Variants in SLC66A2 observed in about 807,000 individuals in gnomAD.
The protein encoded by SLC66A2 is PQ loop repeat containing 1.
In SLC66A2, 23 loss-of-function variants were observed where a neutral mutation model predicts 25.5. That is an observed-to-expected ratio of 0.90 (90% confidence interval 0.65 to 1.28). SLC66A2 has a LOEUF of 1.28. Among genes scored for constraint, SLC66A2 ranks in the 50% most tolerant of loss-of-function variants. The probability of loss-of-function intolerance (pLI) is 0.00; values close to 1 mark genes in which losing one functional copy is unlikely to be tolerated. For missense variants in SLC66A2, 396 were observed against 373.1 expected, an observed-to-expected ratio of 1.06 and a Z score of -0.51; for synonymous variants, 193 against 166.5, an observed-to-expected ratio of 1.16 and a Z score of -1.23.
chr18:79,915,387 C>G (rs572965772), intron 5 of SLC66A2: 6 of 152,510 alleles, frequency 3.9e-5, no homozygotes, highest in African/African-American at 1.4e-4. Flanking sequence ...CGCTCATTAC[C>G]GTAACTACAA....
intron 4 of SLC66A2, among the ~76,000 whole-genome samples, chr18:79,929,314 T>A (rs1365461662): frequency 6.6e-6 from 1 of 152,162 alleles, no homozygotes; most frequent in African/African-American, 2.4e-5. Context: ...AACAGCTGGT[T>A]TGACCACCAG....
At chr18:79,908,376 C>T (rs543343753) in intron 5 of SLC66A2, among the ~76,000 whole-genome samples, 1 of 151,754 alleles carries the variant, frequency 6.6e-6, no homozygotes, top group African/African-American at 2.4e-5. Context: ...CTTGCAGCAT[C>T]TGAAAAATGT....
Position 79,904,557 on chromosome 18 carries a change from G to A in SLC66A2, c.609-374C>T, listed in dbSNP as rs372426193. On this transcript the variant is annotated intron_variant, in intron 5 of 5. Coordinates refer to ENST00000397778, the MANE Select transcript of SLC66A2 (RefSeq NM_025078.5). The surrounding 1 kb of genome is among the most constrained non-coding windows in gnomAD (Gnocchi z 6.3). ...TCGAGGCTACAGGGGACAGCAGGGCGAGCAGCTGACGTCAGGGCCCCTGGT... is the reference window on the plus strand; with the variant it reads ...TCGAGGCTACAGGGGACAGCAGGGCAAGCAGCTGACGTCAGGGCCCCTGGT... Among the ~76,000 whole-genome samples the A allele has an allele frequency of 2.0e-3, 310 of 152,276 alleles. No homozygotes were observed. In the Middle Eastern group the frequency reaches 0.034, roughly 17 times the overall value.
chr18:79,916,148 GCGGCGC>G (rs1568302019), intron 5 of SLC66A2, among the ~76,000 whole-genome samples: 2 of 27,654 alleles, frequency 7.2e-5, no homozygotes, highest in Non-Finnish European at 1.1e-4. Flanking sequence ...TCCCGTACCC[GCGGCGC>G]TCTCGTACCC....
At chr18:79,948,415 ACTGCAGCCT>A (rs2051005928) in intron 2 of SLC66A2, among the ~76,000 whole-genome samples, 1 of 152,198 alleles carries the variant, frequency 6.6e-6, no homozygotes, top group Non-Finnish European at 1.5e-5. Context: ...AGGACAGCTC[ACTGCAGCCT>A]CGAATTCCTG....
intron 4 of SLC66A2, among the ~76,000 whole-genome samples, chr18:79,929,968 G>A (rs1192300025): frequency 6.6e-6 from 1 of 152,166 alleles, no homozygotes; most frequent in East Asian, 1.9e-4. Flanking sequence ...TGGGATGACA[G>A]GAAAGGGCAC....
chr18:79,909,834 TCACCA>T (rs1982742234), intron 5 of SLC66A2, among the ~76,000 whole-genome samples: 1 of 91,046 alleles, frequency 1.1e-5, no homozygotes, highest in Non-Finnish European at 2.1e-5. Context: ...CCCCACCACC[TCACCA>T]GAGTCCCCAG....
intron 3 of SLC66A2, among the ~76,000 whole-genome samples, chr18:79,935,973 G>C (rs1208243928): frequency 6.6e-6 from 1 of 152,204 alleles, no homozygotes; most frequent in African/African-American, 2.4e-5. Context: ...CTAAGATTTG[G>C]GGTAACTTGT....
chr18:79,931,245 TAAAC>T (rs1986536823), intron 4 of SLC66A2, among the ~76,000 whole-genome samples: 2 of 152,120 alleles, frequency 1.3e-5, no homozygotes, highest in Non-Finnish European at 2.9e-5. Flanking sequence ...GTGAATGAAA[TAAAC>T]AATCAAATCA....
intron 3 of SLC66A2, among the ~76,000 whole-genome samples, chr18:79,934,364 A>G (rs1986873870): frequency 6.6e-6 from 1 of 152,232 alleles, no homozygotes; most frequent in Non-Finnish European, 1.5e-5. Context: ...GTGCTGATGG[A>G]AAGCAGCCAG....
rs528685483 is a variant in SLC66A2 at position 79,940,452 on chromosome 18, C to T, written c.337+2877G>A. Among the ~76,000 whole-genome samples the T allele has an allele frequency of 1.3e-5, 2 of 151,898 alleles. No homozygotes were observed. Among genetic ancestry groups the T allele is most frequent in the Non-Finnish European group, 2.9e-5 (2 of 67,976 alleles). On this transcript the variant is annotated intron_variant, in intron 3 of 5. Transcript: ENST00000397778. This position sits in a 1 kb window ranked among gnomAD's most constrained non-coding sequence, Gnocchi z 4.1. Reference sequence around the variant, plus strand: ...TAAACCCCCGTGACAAACAATTTACCTATATAACAAACCTGCACATGTACC... The same window carrying T: ...TAAACCCCCGTGACAAACAATTTACTTATATAACAAACCTGCACATGTACC...
At chr18:79,936,020 C>G (rs1246148465) in intron 3 of SLC66A2, among the ~76,000 whole-genome samples, 1 of 152,242 alleles carries the variant, frequency 6.6e-6, no homozygotes, top group Admixed American at 6.5e-5. Context: ...AGAGACACAA[C>G]AAGTTATGGT....
At chr18:79,913,779 G>A (rs565881928) in intron 5 of SLC66A2, among the ~76,000 whole-genome samples, 1 of 152,296 alleles carries the variant, frequency 6.6e-6, no homozygotes, top group East Asian at 1.9e-4. Flanking sequence ...TGAGGCTGTG[G>A]GTCCCAGGGA....
At chr18:79,910,699 T>C (rs150831143) in intron 5 of SLC66A2, among the ~76,000 whole-genome samples, 2 of 152,374 alleles carry the variant, frequency 1.3e-5, no homozygotes, top group South Asian at 2.1e-4. Flanking sequence ...TAGAGAAACG[T>C]GGCACCCCGG....
intron 5 of SLC66A2, among the ~76,000 whole-genome samples, chr18:79,913,627 CTG>C (rs1465740064): frequency 1.3e-5 from 2 of 152,380 alleles, no homozygotes; most frequent in African/African-American, 4.8e-5. Flanking sequence ...ATGGAGGCAA[CTG>C]TGCATGCCGG....
chr18:79,922,538 T>C (rs1466201832), intron 4 of SLC66A2, among the ~76,000 whole-genome samples: 1 of 152,108 alleles, frequency 6.6e-6, no homozygotes, highest in East Asian at 1.9e-4. Context: ...AGTAAATCCG[T>C]ACCACATCCC....
In SLC66A2 at chr18:79,927,504, CCTT is replaced by C. The variant is rs1986099249; in HGVS notation, c.391+6462_391+6464del. ...CCTGCTGCAGAATGAGTATAAATGC[CCTT>C]CTTAGCCTTCGAGGCCGGCACTGGC... On this transcript the variant is annotated intron_variant, in intron 4 of 5. Coordinates refer to ENST00000397778, the MANE Select transcript of SLC66A2 (RefSeq NM_025078.5). This position sits in a 1 kb window ranked among gnomAD's most constrained non-coding sequence, Gnocchi z 6.2. 6.6e-6 allele frequency among the ~76,000 whole-genome samples: 1 copy of C among 152,226 alleles called. No individual in the cohort carries two copies. Among genetic ancestry groups the C allele is most frequent in the Non-Finnish European group, 1.5e-5 (1 of 68,040 alleles).
chr18:79,917,853 T>C lies in SLC66A2; in HGVS notation c.608+1331A>G, dbSNP rs922121131. Reference sequence around the variant, plus strand: ...GCACCCCACACCACACCCCAACCTGTACCTACCTCACACCATGCCAGCACC... The same window carrying C: ...GCACCCCACACCACACCCCAACCTGCACCTACCTCACACCATGCCAGCACC... On this transcript the variant is annotated intron_variant, in intron 5 of 5. Transcript: ENST00000397778. This position sits in a 1 kb window ranked among gnomAD's most constrained non-coding sequence, Gnocchi z 6.0. Among the ~76,000 whole-genome samples, 5 of 150,380 alleles carry C rather than the reference T, an allele frequency of 3.3e-5. No homozygotes were observed. The highest frequency in any genetic ancestry group is 7.4e-5 in the Non-Finnish European group (5 of 67,556).
intron 3 of SLC66A2, among the ~76,000 whole-genome samples, chr18:79,942,038 T>A (rs1987718141): frequency 6.6e-6 from 1 of 152,170 alleles, no homozygotes; most frequent in African/African-American, 2.4e-5. Flanking sequence ...CATGAGGAGC[T>A]CAGGTCCAGA....
Sources: allele counts gnomAD v4.1 joint callset (sites outside exome capture counted in the v4.1 genomes callset), GRCh38; gene constraint gnomAD v4.1.1; non-coding constraint Gnocchi (gnomAD v3.1); transcripts MANE v1.5; gene names NCBI Gene and HGNC (gene_info 2026-07-23, HGNC 2026-07-21).